The following PCDH9 variants were observed in gnomAD, a reference collection of about 807,000 sequenced individuals.
PCDH9 encodes protocadherin-9.
In PCDH9, 24 loss-of-function variants were observed where a neutral mutation model predicts 70.6. The observed-to-expected ratio is 0.34, with a 90% CI of 0.25 to 0.48. The LOEUF is 0.48. Among genes scored for constraint, PCDH9 ranks in the 20% least tolerant of loss-of-function variants. PCDH9 has a pLI of 0.99. For missense variants in PCDH9, 1,281 were observed against 1,503.6 expected (o/e 0.85, Z 2.45); for synonymous variants, 562 against 558.5 (o/e 1.01, Z -0.09).
chr13:66,666,130 C>T (rs540459082), intron 3 of PCDH9, among the ~76,000 whole-genome samples: 2 of 152,176 alleles, frequency 1.3e-5, no homozygotes, highest in Non-Finnish European at 2.9e-5. Context: ...AGAAGCCAGG[C>T]TTAGTCAGAA....
chr13:67,087,181 A>G (rs947918569), intron 2 of PCDH9, among the ~76,000 whole-genome samples: 1 of 151,670 alleles, frequency 6.6e-6, no homozygotes, highest in African/African-American at 2.4e-5. Flanking sequence ...TTCAGCTTGC[A>G]CAGTCATTTT....
At chr13:66,945,726 TCTA>T (rs2083077569) in intron 2 of PCDH9, among the ~76,000 whole-genome samples, 2 of 152,178 alleles carry the variant, frequency 1.3e-5, no homozygotes, top group Non-Finnish European at 2.9e-5. Context: ...GTTATTTTCA[TCTA>T]CTCTCTTATG....
intron 3 of PCDH9, among the ~76,000 whole-genome samples, chr13:66,731,086 T>C (rs1169128218): frequency 6.6e-6 from 1 of 151,868 alleles, no homozygotes; most frequent in African/African-American, 2.4e-5. Flanking sequence ...AATGGTTAAA[T>C]TTGACTTCAC....
chr13:66,833,037 C>A (rs1033087760), intron 3 of PCDH9, among the ~76,000 whole-genome samples: 1 of 151,998 alleles, frequency 6.6e-6, no homozygotes, highest in Non-Finnish European at 1.5e-5. Flanking sequence ...CAAAGTTTTC[C>A]TTTCTTTTCA....
rs757778716 is a variant in PCDH9 at position 66,304,695 on chromosome 13, G to T, written c.3674C>A (p.Ala1225Glu). The T allele has an allele frequency of 6.2e-7, 1 of 1,613,084 alleles. No homozygotes were observed. The highest frequency in any genetic ancestry group is 8.5e-7 in the Non-Finnish European group (1 of 1,179,474). Reference sequence around the variant, plus strand: ...CTTAGGACTCTCAGTAGCACCTCCTGCTTGCTTATAAGACTTCAGATTTGC... The same window carrying T: ...CTTAGGACTCTCAGTAGCACCTCCTTCTTGCTTATAAGACTTCAGATTTGC... Reference protein sequence around the residue: ...PLANLKSYKQAGGATESPKEH... With the variant: ...PLANLKSYKQEGGATESPKEH... Residue 1225 changes from alanine to glutamate, a missense_variant, in exon 5 of 5, where the codon GCA becomes GAA. Coordinates refer to ENST00000377865, the MANE Select transcript of PCDH9 (RefSeq NM_203487.3).
At position 66,802,908 on chromosome 13, in the gene PCDH9, T is replaced by C. The variant is rs576739885; in HGVS notation, c.3138+100596A>G. The stretch of plus-strand genomic sequence containing the variant: ...ATACATTATTTTAAGGGAACATTTT[T>C]CTCCCAAATTGAACCAGGTATTTAG... On this transcript the variant is annotated intron_variant, in intron 3 of 4. Transcript: ENST00000377865. 3.0e-3 allele frequency among the ~76,000 whole-genome samples: 463 copies of C among 152,232 alleles called. 2 individuals are homozygous for C. The highest frequency in any genetic ancestry group is 0.011 in the African/African-American group (443 of 41,568).
chr13:66,469,101 T>A (rs1286425588), intron 4 of PCDH9, among the ~76,000 whole-genome samples: 1 of 152,134 alleles, frequency 6.6e-6, no homozygotes, highest in African/African-American at 2.4e-5. Context: ...CAGGCTAATA[T>A]ATTTCTCATA....
chr13:66,383,661 C>G (rs1956883173), intron 4 of PCDH9, among the ~76,000 whole-genome samples: 1 of 152,102 alleles, frequency 6.6e-6, no homozygotes, highest in Non-Finnish European at 1.5e-5. Flanking sequence ...TTTCCACTTT[C>G]TGGGAATTTC....
intron 3 of PCDH9, among the ~76,000 whole-genome samples, chr13:66,661,902 T>C (rs2078014101): frequency 1.3e-5 from 2 of 152,212 alleles, no homozygotes; most frequent in Non-Finnish European, 2.9e-5. Flanking sequence ...ATATCCACGC[T>C]TTACGAAATC....
intron 2 of PCDH9, among the ~76,000 whole-genome samples, chr13:67,014,556 T>A (rs1022745665): frequency 1.3e-5 from 2 of 152,098 alleles, no homozygotes; most frequent in African/African-American, 4.8e-5. Flanking sequence ...TTGGCTTCCT[T>A]TCTTATTTTC....
chr13:66,389,544 A>C (rs1461416684), intron 4 of PCDH9, among the ~76,000 whole-genome samples: 3 of 152,210 alleles, frequency 2.0e-5, no homozygotes, highest in African/African-American at 7.2e-5. Context: ...ATGGTATATA[A>C]ATAAACTTTA....
chr13:66,897,783 T>C (rs2082207670), intron 3 of PCDH9, among the ~76,000 whole-genome samples: 1 of 152,150 alleles, frequency 6.6e-6, no homozygotes, highest in South Asian at 2.1e-4. Flanking sequence ...ATGATTTTTT[T>C]GAAAATTTAT....
At chr13:67,051,037 G>T (rs1342557165) in intron 2 of PCDH9, among the ~76,000 whole-genome samples, 3 of 152,098 alleles carry the variant, frequency 2.0e-5, no homozygotes, top group Admixed American at 6.6e-5. Flanking sequence ...CTTGGTTTTT[G>T]AATTATATTA....
At chr13:67,147,935 A>G (rs978248570) in intron 2 of PCDH9, among the ~76,000 whole-genome samples, 7 of 152,174 alleles carry the variant, frequency 4.6e-5, no homozygotes, top group Admixed American at 6.5e-5. Flanking sequence ...ATGCAGGATA[A>G]AACTATCATA....
At chr13:66,925,905 G>A (rs1322631113) in intron 2 of PCDH9, among the ~76,000 whole-genome samples, 1 of 151,802 alleles carries the variant, frequency 6.6e-6, no homozygotes, top group African/African-American at 2.4e-5. Context: ...AACAGCAATG[G>A]CAATAGTAAT....
intron 2 of PCDH9, among the ~76,000 whole-genome samples, chr13:67,038,555 G>T (rs1270420807): frequency 6.6e-6 from 1 of 152,144 alleles, no homozygotes; most frequent in Admixed American, 6.6e-5. Context: ...AAAGAAAGAT[G>T]CACATACCCT....
At chr13:66,449,953 G>A (rs1354421898) in intron 4 of PCDH9, among the ~76,000 whole-genome samples, 1 of 152,116 alleles carries the variant, frequency 6.6e-6, no homozygotes, top group Non-Finnish European at 1.5e-5. Context: ...TATACTTCAT[G>A]AGTGTTACCT....
intron 2 of PCDH9, chr13:67,217,391 G>T (rs2089633511): frequency 6.6e-6 from 1 of 151,948 alleles, no homozygotes; most frequent in Non-Finnish European, 1.5e-5. Flanking sequence ...ACTGTGGGCT[G>T]CATATGGATT....
chr13:67,057,747 C>T (rs2085451306), intron 2 of PCDH9, among the ~76,000 whole-genome samples: 1 of 151,878 alleles, frequency 6.6e-6, no homozygotes, highest in Non-Finnish European at 1.5e-5. Flanking sequence ...TAAAAATAGA[C>T]ATGATACTTA....
Sources: gnomAD v4.1 joint callset for allele counts (sites outside exome capture counted in the v4.1 genomes callset) on GRCh38, gnomAD v4.1.1 for gene constraint, MANE v1.5 for transcripts, NCBI Gene and HGNC (gene_info 2026-07-23, HGNC 2026-07-21) for gene names.